Variants in DOCK1 observed in about 807,000 individuals in gnomAD.
DOCK1 encodes the protein dedicator of cytokinesis protein 1.
A neutral mutation model predicts 262.7 loss-of-function variants in DOCK1; 138 were observed. That is an observed-to-expected ratio of 0.53 (90% CI 0.46 to 0.61). DOCK1 has a LOEUF of 0.61. Among genes scored for constraint, DOCK1 ranks in the 20% least tolerant of loss-of-function variants. DOCK1 has a pLI of 0.00. For synonymous variants in DOCK1, 866 were observed against 867.4 expected (o/e 1.00, Z 0.03); for missense variants, 1,908 against 2,370.7 (o/e 0.80, Z 4.05).
Position 127,100,947 on chromosome 10 carries a change from C to T in DOCK1, c.2446-5284C>T, listed in dbSNP as rs370775849. Among the ~76,000 whole-genome samples the T allele has an allele frequency of 5.3e-5, 8 of 151,982 alleles. No individual in the cohort carries two copies. Among genetic ancestry groups the T allele is most frequent in the South Asian group, 2.1e-4 (1 of 4,826 alleles). ...CTCGCAGGGCCTGGGGCTGCTTTTC[C>T]GGGTGAGAGGCTGGTGTGGGCTTCA... On this transcript the variant is annotated intron_variant, in intron 23 of 51. Transcript: ENST00000623213. The surrounding 1 kb of genome is among the most constrained non-coding windows in gnomAD (Gnocchi z 5.5).
chr10:127,123,200 C>T lies in DOCK1; in HGVS notation c.2624-2274C>T, dbSNP rs187292166. On this transcript the variant is annotated intron_variant, in intron 25 of 51. Transcript: ENST00000623213. The stretch of plus-strand genomic sequence containing the variant: ...TTATGTAGTCATTTTTTTCCTTAGT[C>T]ACATTGTCAGGGGCTGTCATTACCT... Among the ~76,000 whole-genome samples, 21 of 152,206 alleles carry T rather than the reference C, an allele frequency of 1.4e-4. 1 individual carries two copies. The East Asian group carries it at 4.1e-3, about 29-fold the overall frequency.
chr10:127,165,606 A>G (rs2054004173), intron 27 of DOCK1, among the ~76,000 whole-genome samples: 1 of 152,202 alleles, frequency 6.6e-6, no homozygotes, highest in Admixed American at 6.5e-5. Flanking sequence ...CAAACAATGC[A>G]GTATCAAATG....
intron 22 of DOCK1, among the ~76,000 whole-genome samples, chr10:127,054,137 G>C (rs1953964): frequency 0.22 from 33,009 of 152,202 alleles, 4,041 homozygotes; most frequent in Middle Eastern, 0.32. Flanking sequence ...GTTTTCGTTT[G>C]TCTGAAGCAG....
chr10:127,334,642 A>T (rs887268610), intron 29 of DOCK1, among the ~76,000 whole-genome samples: 36 of 152,150 alleles, frequency 2.4e-4, no homozygotes, highest in African/African-American at 8.2e-4. Context: ...TTTGCCTGTG[A>T]TTCTTTCTGG....
chr10:127,270,145 T>C (rs944437311), intron 29 of DOCK1, among the ~76,000 whole-genome samples: 1 of 152,198 alleles, frequency 6.6e-6, no homozygotes, highest in African/African-American at 2.4e-5. Context: ...TGTCTTCCTC[T>C]GAAATCAGTG....
chr10:127,124,313 C>T (rs978365279), intron 25 of DOCK1, among the ~76,000 whole-genome samples: 2 of 152,224 alleles, frequency 1.3e-5, no homozygotes, highest in African/African-American at 2.4e-5. Context: ...CCGGCTAAGT[C>T]TGTTTAAGGT....
At chr10:126,992,100 G>A (rs1186844992) in intron 6 of DOCK1, among the ~76,000 whole-genome samples, 1 of 152,180 alleles carries the variant, frequency 6.6e-6, no homozygotes, top group Non-Finnish European at 1.5e-5. Flanking sequence ...GTAGGGTTTG[G>A]ATTAGAAATG....
At chr10:127,003,038 C>T (rs542047098) in intron 10 of DOCK1, among the ~76,000 whole-genome samples, 1 of 152,360 alleles carries the variant, frequency 6.6e-6, no homozygotes, top group East Asian at 1.9e-4. Flanking sequence ...CTGCATGAAC[C>T]TGTGTGAACC....
At chr10:127,382,235 A>C (rs1216248205) in intron 37 of DOCK1, among the ~76,000 whole-genome samples, 8 of 152,256 alleles carry the variant, frequency 5.3e-5, no homozygotes, top group Admixed American at 5.2e-4. Context: ...AGAAAACCAG[A>C]GAAAATTACA....
At chr10:127,080,211 C>A (rs2046821102) in intron 23 of DOCK1, among the ~76,000 whole-genome samples, 1 of 151,234 alleles carries the variant, frequency 6.6e-6, no homozygotes, top group Non-Finnish European at 1.5e-5. Context: ...TCTTAACTCT[C>A]ATTTCCACCA....
In DOCK1 at chr10:127,381,485, T is replaced by C. The variant is rs2065821428; in HGVS notation, c.3807+117T>C. 4.9e-6 allele frequency: 4 copies of C among 819,484 alleles called. No individual in the cohort carries two copies. The Admixed American group carries it at 1.0e-4, about 20-fold the overall frequency. 50.8% of individuals were successfully genotyped at this position (819,484 alleles called of 1,614,324 possible). On this transcript the variant is annotated intron_variant, in intron 37 of 51. Transcript: ENST00000623213. ...GCCTATAACTTAAGGTTTTATGAAA[T>C]TGACTAAATAAATGCAAGGATATGA...
At chr10:127,290,734 C>T (rs2061321177) in intron 29 of DOCK1, among the ~76,000 whole-genome samples, 1 of 152,182 alleles carries the variant, frequency 6.6e-6, no homozygotes, top group Admixed American at 6.5e-5. Context: ...CCTTGAGGTC[C>T]ATCCAGGTTG....
At chr10:126,941,647 C>G (rs1041910100) in intron 1 of DOCK1, among the ~76,000 whole-genome samples, 3 of 152,016 alleles carry the variant, frequency 2.0e-5, no homozygotes, top group Non-Finnish European at 2.9e-5. Context: ...TCCCGCTACT[C>G]GGGAGGCTGA....
At chr10:126,927,246 T>C (rs1161752662) in intron 1 of DOCK1, among the ~76,000 whole-genome samples, 1 of 152,202 alleles carries the variant, frequency 6.6e-6, no homozygotes, top group Non-Finnish European at 1.5e-5. Context: ...GCTTTTTCTT[T>C]CAGTTTGGAT....
chr10:127,324,508 TA>T (rs1364584673), intron 29 of DOCK1, among the ~76,000 whole-genome samples: 1 of 152,144 alleles, frequency 6.6e-6, no homozygotes, highest in African/African-American at 2.4e-5. Flanking sequence ...GCTTTCTTTC[TA>T]AACCCATTTT....
At chr10:127,122,230 G>A (rs2049635633) in intron 25 of DOCK1, among the ~76,000 whole-genome samples, 1 of 152,148 alleles carries the variant, frequency 6.6e-6, no homozygotes, top group African/African-American at 2.4e-5. Flanking sequence ...TGGGGGCCTG[G>A]GATGGGTTGC....
At chr10:127,070,954 CT>C (rs1484139511) in intron 23 of DOCK1, among the ~76,000 whole-genome samples, 1 of 152,014 alleles carries the variant, frequency 6.6e-6, no homozygotes, top group Non-Finnish European at 1.5e-5. Context: ...TTCTTGCAGC[CT>C]TCAAGGCTGG....
intron 27 of DOCK1, among the ~76,000 whole-genome samples, chr10:127,224,280 G>T (rs909723568): frequency 2.6e-5 from 4 of 152,056 alleles, no homozygotes; most frequent in South Asian, 4.1e-4. Flanking sequence ...TTAATGTTTG[G>T]CCGGGTGCAG....
chr10:127,451,220 G>GA, intron 51 of DOCK1, 112 bp from the exon 52 acceptor site: 1 of 1,203,644 alleles, frequency 8.3e-7, no homozygotes, highest in Non-Finnish European at 1.2e-6. Flanking sequence ...ACTCATGTGG[G>GA]GAGGATGGTT....
Sources: gnomAD v4.1 joint callset for allele counts (sites outside exome capture counted in the v4.1 genomes callset) on GRCh38, gnomAD v4.1.1 for gene constraint, Gnocchi (gnomAD v3.1) non-coding constraint, MANE v1.5 for transcripts, NCBI Gene and HGNC (gene_info 2026-07-23, HGNC 2026-07-21) for gene names.